The following MAN1A1 variants were observed in gnomAD, a reference collection of about 807,000 sequenced individuals.
The protein encoded by MAN1A1 is mannosidase alpha class 1A member 1.
MAN1A1 carries 29 observed loss-of-function variants against 70.8 expected under a neutral mutation model. The observed-to-expected ratio is 0.41, with a 90% CI of 0.31 to 0.56. The LOEUF (loss-of-function observed/expected upper bound fraction) is 0.56, where lower values mean the gene tolerates loss of function less well. Ranked by LOEUF, MAN1A1 falls within the 20% of genes least tolerant of loss-of-function variation. The probability of loss-of-function intolerance (pLI) is 0.29; values close to 1 mark genes in which losing one functional copy is unlikely to be tolerated. For synonymous variants in MAN1A1, 349 were observed against 330.1 expected (o/e 1.06, Z -0.62); for missense variants, 747 against 841.3 (o/e 0.89, Z 1.39).
At chr6:119,341,316 T>C (rs1055927940) in intron 2 of MAN1A1, among the ~76,000 whole-genome samples, 5 of 152,112 alleles carry the variant, frequency 3.3e-5, no homozygotes, top group Non-Finnish European at 7.4e-5. Flanking sequence ...ATGGTCTCAG[T>C]GGGGCTTCTG....
At chr6:119,244,682 C>CA (rs1245562271) in intron 6 of MAN1A1, among the ~76,000 whole-genome samples, 1 of 152,080 alleles carries the variant, frequency 6.6e-6, no homozygotes, top group Non-Finnish European at 1.5e-5. Flanking sequence ...TCTCCAAATA[C>CA]ATAAACCTCC....
chr6:119,222,541 G>A (rs1290248746), intron 6 of MAN1A1, among the ~76,000 whole-genome samples: 2 of 151,788 alleles, frequency 1.3e-5, no homozygotes, highest in Non-Finnish European at 2.9e-5. Context: ...TGCCCAGGCT[G>A]GTCTCAAACT....
chr6:119,208,131 C>T (rs1773935735), intron 6 of MAN1A1, among the ~76,000 whole-genome samples: 1 of 152,148 alleles, frequency 6.6e-6, no homozygotes, highest in South Asian at 2.1e-4. Flanking sequence ...GCCAAGACGA[C>T]AAGTTGGCCA....
At chr6:119,210,886 C>T (rs1774031396) in intron 6 of MAN1A1, 1 of 455,806 alleles carries the variant, frequency 2.2e-6, no homozygotes, top group African/African-American at 2.0e-5. Flanking sequence ...TGATATCCCA[C>T]CTCATATGGT....
chr6:119,201,043 T>A (rs751630776), intron 8 of MAN1A1, among the ~76,000 whole-genome samples: 1 of 152,242 alleles, frequency 6.6e-6, no homozygotes, highest in Non-Finnish European at 1.5e-5. Context: ...TGTGCTTATA[T>A]GTCATCACAC....
At position 119,316,067 on chromosome 6, in the gene MAN1A1, C is replaced by T. The variant is rs78225524; in HGVS notation, c.604-9075G>A. 5.9e-3 allele frequency among the ~76,000 whole-genome samples: 896 copies of T among 152,238 alleles called. 31 individuals carry two copies. In the East Asian group the frequency reaches 0.09, roughly 15 times the overall value. ...GCAGGCCTGTGGTGACAGGTGATCT[C>T]CCTCACTTGGTCCCCAGGCCAAGAT... On this transcript the variant is annotated intron_variant, in intron 2 of 12. Coordinates refer to ENST00000368468, the MANE Select transcript of MAN1A1 (RefSeq NM_005907.4).
At chr6:119,262,382 T>C (rs904966560) in intron 5 of MAN1A1, among the ~76,000 whole-genome samples, 4 of 152,020 alleles carry the variant, frequency 2.6e-5, no homozygotes, top group African/African-American at 7.3e-5. Flanking sequence ...CTGGTAAAGG[T>C]CAACATGGAT....
intron 6 of MAN1A1, among the ~76,000 whole-genome samples, chr6:119,246,327 C>G (rs148143298): frequency 3.9e-5 from 6 of 152,024 alleles, no homozygotes; most frequent in African/African-American, 1.5e-4. Context: ...TGTAAACTGG[C>G]GGTCATTGGT....
At chr6:119,317,275 G>GCT (rs1461775492) in intron 2 of MAN1A1, among the ~76,000 whole-genome samples, 2 of 151,962 alleles carry the variant, frequency 1.3e-5, no homozygotes, top group Non-Finnish European at 2.9e-5. Context: ...TTACATTAAG[G>GCT]CTCACTCTTA....
chr6:119,241,984 G>GTA (rs1274351841), intron 6 of MAN1A1, among the ~76,000 whole-genome samples: 20 of 150,702 alleles, frequency 1.3e-4, no homozygotes, highest in Admixed American at 4.0e-4. Flanking sequence ...ATATGTGTGT[G>GTA]TATATATATA....
At chr6:119,297,802 T>C (rs575161919) in intron 4 of MAN1A1, among the ~76,000 whole-genome samples, 6 of 97,482 alleles carry the variant, frequency 6.2e-5, no homozygotes, top group African/African-American at 2.5e-4. Context: ...TTTTTTTGTT[T>C]TGTTTTGTTT....
At chr6:119,330,520 G>C (rs935027207) in intron 2 of MAN1A1, among the ~76,000 whole-genome samples, 1 of 151,972 alleles carries the variant, frequency 6.6e-6, no homozygotes, top group Non-Finnish European at 1.5e-5. Flanking sequence ...CTCTCACCTG[G>C]ATTACTGCCG....
chr6:119,344,039 C>T (rs983833872), intron 2 of MAN1A1, among the ~76,000 whole-genome samples: 1 of 152,194 alleles, frequency 6.6e-6, no homozygotes, highest in African/African-American at 2.4e-5. Flanking sequence ...TATGTAAGTT[C>T]TTCAATGAAT....
chr6:119,350,117 G>T (rs964302718), upstream of MAN1A1, among the ~76,000 whole-genome samples: 2 of 152,148 alleles, frequency 1.3e-5, no homozygotes, highest in African/African-American at 2.4e-5. Context: ...TCCTCGACTG[G>T]CCCGGGAGGC....
At chr6:119,193,954 A>T in intron 8 of MAN1A1, 62 bp from the exon 9 acceptor site, 1 of 1,009,074 alleles carries the variant, frequency 9.9e-7, no homozygotes, top group Non-Finnish European at 1.6e-6. Context: ...AATGCAGCAA[A>T]ATCACATTAG....
At position 119,214,488 on chromosome 6, in the gene MAN1A1, A is replaced by G. The variant is rs372641863; in HGVS notation, c.993-9606T>C. Among the ~76,000 whole-genome samples the G allele has an allele frequency of 4.5e-3, 678 of 152,300 alleles. 5 individuals are homozygous for G. The highest frequency in any genetic ancestry group is 0.015 in the African/African-American group (639 of 41,568). On this transcript the variant is annotated intron_variant, in intron 6 of 12. Coordinates refer to ENST00000368468, the MANE Select transcript of MAN1A1 (RefSeq NM_005907.4). ...AATAAGTTTTTAAATTGTAAAATGC[A>G]AAAAGTAAAAACATCACTATGGTAT... is the stretch of plus-strand genomic sequence containing the variant.
At chr6:119,241,313 G>T (rs1774997384) in intron 6 of MAN1A1, among the ~76,000 whole-genome samples, 1 of 152,168 alleles carries the variant, frequency 6.6e-6, no homozygotes, top group Non-Finnish European at 1.5e-5. Flanking sequence ...ACAGAACACA[G>T]GCCCTACTCC....
chr6:119,306,759 T>C, intron 3 of MAN1A1, 137 bp downstream of exon 3: 5 of 669,464 alleles, frequency 7.5e-6, no homozygotes, highest in Non-Finnish European at 1.4e-5. Flanking sequence ...ACAATCCTTA[T>C]CTAATTCCAT....
At chr6:119,233,166 T>C (rs1774735962) in intron 6 of MAN1A1, among the ~76,000 whole-genome samples, 1 of 152,178 alleles carries the variant, frequency 6.6e-6, no homozygotes, top group African/African-American at 2.4e-5. Context: ...TTAGTACAGA[T>C]TGACACCCTC....
Sources: allele counts gnomAD v4.1 joint callset (sites outside exome capture counted in the v4.1 genomes callset), GRCh38; gene constraint gnomAD v4.1.1; transcripts MANE v1.5; gene names NCBI Gene and HGNC (gene_info 2026-07-23, HGNC 2026-07-21).